The following PAXIP1 variants were observed in gnomAD, a reference collection of about 807,000 sequenced individuals.
PAXIP1 encodes PAX interacting protein 1, also known as PAX-interacting protein 1.
PAXIP1 carries 19 observed loss-of-function variants against 140.6 expected under a neutral mutation model. The ratio of observed to expected loss-of-function variants is 0.14; its 90% CI spans 0.09 to 0.20. The LOEUF is 0.20. Ranked by LOEUF, PAXIP1 falls within the 10% of genes least tolerant of loss-of-function variation. The probability of loss-of-function intolerance (pLI) is 1.00; values close to 1 mark genes in which losing one functional copy is unlikely to be tolerated. For missense variants in PAXIP1, 920 were observed against 1,208.6 expected, an observed-to-expected ratio of 0.76 and a Z score of 3.54; for synonymous variants, 442 against 444.6, an observed-to-expected ratio of 0.99 and a Z score of 0.07.
Position 154,946,237 on chromosome 7 carries a change from T to C in PAXIP1, c.3194+128A>G, listed in dbSNP as rs952021612. ...TTCTGAAGAGAAAAGAATTGTTCAC[T>C]GCATAAATCACAATAGCAAAGAAAG... On this transcript the variant is annotated intron_variant, in intron 20 of 20. Coordinates refer to ENST00000404141, the MANE Select transcript of PAXIP1 (RefSeq NM_007349.4). The surrounding 1 kb of genome is among the most constrained non-coding windows in gnomAD (Gnocchi z 4.9). 2 of 1,514,932 alleles carry C rather than the reference T, an allele frequency of 1.3e-6. No homozygotes were observed. Among genetic ancestry groups the C allele is most frequent in the Non-Finnish European group, 1.8e-6 (2 of 1,133,894 alleles). 93.8% of individuals were successfully genotyped at this position (1,514,932 alleles called of 1,614,324 possible).
chr7:154,950,337 A>G (rs912392801), intron 16 of PAXIP1: 1 of 152,226 alleles, frequency 6.6e-6, no homozygotes, highest in Non-Finnish European at 1.5e-5. Flanking sequence ...CTCCTAGAAG[A>G]TAACACAGGA....
intron 17 of PAXIP1, 72 bp downstream of exon 17, chr7:154,947,831 C>T (rs1808067633): frequency 9.2e-7 from 1 of 1,081,828 alleles, no homozygotes; most frequent in Non-Finnish European, 1.4e-6. Flanking sequence ...CACCAAATCA[C>T]CTGGTAGTTC....
chr7:154,972,304 T>C (rs573841788), intron 6 of PAXIP1, among the ~76,000 whole-genome samples: 90 of 152,238 alleles, frequency 5.9e-4, no homozygotes, highest in East Asian at 9.7e-4. Context: ...CTGGCCAACA[T>C]GGCAAAAACC....
chr7:154,957,063 T>C (rs1808546504), intron 14 of PAXIP1, 161 bp downstream of exon 14: 1 of 528,496 alleles, frequency 1.9e-6, no homozygotes, highest in African/African-American at 1.9e-5. Flanking sequence ...GCCTATGTCA[T>C]TAAAATGAAA....
intron 4 of PAXIP1, chr7:154,985,947 G>C: frequency 8.2e-7 from 1 of 1,213,138 alleles, no homozygotes; most frequent in South Asian, 1.3e-5. Context: ...GGACTTTTTA[G>C]TCTTCTAGAT....
Position 154,968,419 on chromosome 7 carries a change from A to G in PAXIP1, c.1782T>C (p.His594=), listed in dbSNP as rs1424252329. 5 of 1,547,784 alleles carry G rather than the reference A, an allele frequency of 3.2e-6. No individual in the cohort carries two copies. The highest frequency in any genetic ancestry group is 2.0e-5 in the Admixed American group (1 of 50,894). The change falls in exon 7 of 21, where the codon CAT becomes CAC. Residue 594 remains histidine, a synonymous_variant. Transcript: ENST00000404141. The part of the protein sequence containing the change: ...PSPQQHQLFG[H]DPAVEIPEEG... ...ATTACTAACTCTCCACTGCTGGATC[A>G]TGTCCAAAAAGCTGATGCTGCTGAG...
chr7:154,967,872 T>A lies in PAXIP1; in HGVS notation c.1837A>T (p.Ile613Phe), dbSNP rs754488882. The A allele has an allele frequency of 1.9e-6, 3 of 1,613,602 alleles. No homozygotes were observed. Among genetic ancestry groups the A allele is most frequent in the Non-Finnish European group, 2.5e-6 (3 of 1,179,740 alleles). Residue 613 changes from isoleucine to phenylalanine, a missense_variant, in exon 8 of 21, where the codon ATT (isoleucine) becomes TTT (phenylalanine). This residue lies in a region of PAXIP1 where 62 missense variants were observed against 69.0 expected (regional missense o/e 0.90). Transcript: ENST00000404141. Reference protein sequence around the residue: ...EGFLLGCVFAIADYPEQMSDK... With the variant: ...EGFLLGCVFAFADYPEQMSDK... ...GACATCTGCTCTGGATAATCCGCAA[T>A]TGCAAACACACATCCCAATAAGAAG...
At position 154,973,556 on chromosome 7, in the gene PAXIP1, C is replaced by T. The variant is rs1356066835; in HGVS notation, c.1074+2140G>A. On this transcript the variant is annotated intron_variant, in intron 6 of 20. Coordinates refer to ENST00000404141, the MANE Select transcript of PAXIP1 (RefSeq NM_007349.4). This position sits in a 1 kb window ranked among gnomAD's most constrained non-coding sequence, Gnocchi z 4.0. ...GTCTAACATCTAAAGGGCATGTTTG[C>T]CTCTATCTTACTCTGGATGCCAGCC... 2.6e-5 allele frequency among the ~76,000 whole-genome samples: 4 copies of T among 152,176 alleles called. No homozygotes were observed. Among genetic ancestry groups the T allele is most frequent in the African/African-American group, 4.8e-5 (2 of 41,450 alleles).
chr7:154,994,567 C>T (rs1197962922), intron 2 of PAXIP1, among the ~76,000 whole-genome samples: 4 of 152,238 alleles, frequency 2.6e-5, no homozygotes, highest in East Asian at 3.9e-4. Context: ...ACAATGAAAA[C>T]GAGAAACGCA....
At chr7:154,987,847 ATGT>A (rs1810144740) in intron 4 of PAXIP1, among the ~76,000 whole-genome samples, 2 of 152,094 alleles carry the variant, frequency 1.3e-5, no homozygotes, top group South Asian at 2.1e-4. Context: ...GCTAAGTCCC[ATGT>A]TGTATCTGCT....
intron 16 of PAXIP1, chr7:154,950,658 G>A (rs1808232024): frequency 1.3e-5 from 2 of 152,232 alleles, no homozygotes; most frequent in South Asian, 2.1e-4. Context: ...GAAAACTTAC[G>A]TCCACACTAA....
Position 154,956,292 on chromosome 7 carries a change from C to A in PAXIP1, c.2550-661G>T, listed in dbSNP as rs1217094693. On this transcript the variant is annotated intron_variant, in intron 14 of 20. Coordinates refer to ENST00000404141, the MANE Select transcript of PAXIP1 (RefSeq NM_007349.4). This position sits in a 1 kb window ranked among gnomAD's most constrained non-coding sequence, Gnocchi z 4.2. The stretch of plus-strand genomic sequence containing the variant: ...TGTATTTGTGGTAATTTGATGACAG[C>A]CTCAAAAAAATCACATAATTAGGAT... The A allele has an allele frequency of 6.6e-6, 1 of 151,828 alleles. No homozygotes were observed. Among genetic ancestry groups the A allele is most frequent in the African/African-American group, 2.4e-5 (1 of 41,282 alleles). The allele number at this position is 151,828 out of a possible 1,614,324, so 9.4% of individuals were successfully genotyped here.
chr7:154,981,390 T>C (rs1809837526), intron 5 of PAXIP1, among the ~76,000 whole-genome samples: 1 of 152,218 alleles, frequency 6.6e-6, no homozygotes, highest in African/African-American at 2.4e-5. Flanking sequence ...GTAGTTCATT[T>C]TTCCCTATGT....
chr7:154,957,313 C>T lies in PAXIP1; in HGVS notation c.2479-19G>A, dbSNP rs371370092. ...TTATACTCTGCAATTAAAATATTGT[C>T]GACTTTAATTCAATCAATCTACTAA... On this transcript the variant is annotated intron_variant, in intron 13 of 20. Transcript: ENST00000404141. The T allele has an allele frequency of 1.4e-5, 20 of 1,450,106 alleles. No individual in the cohort carries two copies. In the Admixed American group the frequency reaches 1.5e-4, roughly 11 times the overall value. The allele number at this position is 1,450,106 out of a possible 1,614,324, so 89.8% of individuals were successfully genotyped here. A position where few individuals can be genotyped will look rare whatever the true frequency, so the allele number is the denominator to read the frequency against.
chr7:154,955,616 T>A lies in PAXIP1; in HGVS notation c.2565A>T (p.Pro855=). 1 of 1,582,796 alleles carries A rather than the reference T, an allele frequency of 6.3e-7. No homozygotes were observed. The highest frequency in any genetic ancestry group is 8.6e-7 in the Non-Finnish European group (1 of 1,166,120). Residue 855 remains proline (P), a synonymous_variant, in exon 15 of 21, where the codon CCA becomes CCT. Transcript: ENST00000404141. Reference sequence around the variant, plus strand: ...CTGGAGTTAGCTTTTTAGTGGGAGGTGGTACGTCTTCAATTCTGTGGAAGA... The same window carrying A: ...CTGGAGTTAGCTTTTTAGTGGGAGGAGGTACGTCTTCAATTCTGTGGAAGA... The part of the protein sequence containing the change: ...SSKRARIEDV[P]PPTKKLTPEL...
At chr7:154,997,893 T>A (rs1482204530) in intron 2 of PAXIP1, among the ~76,000 whole-genome samples, 1 of 152,226 alleles carries the variant, frequency 6.6e-6, no homozygotes, top group Non-Finnish European at 1.5e-5. Flanking sequence ...ACAGTCGGGA[T>A]GGAAAGTAAC....
At chr7:154,987,878 C>T (rs557437694) in intron 4 of PAXIP1, among the ~76,000 whole-genome samples, 2 of 152,334 alleles carry the variant, frequency 1.3e-5, no homozygotes, top group East Asian at 3.9e-4. Context: ...ATCCCATCTC[C>T]ATTTGTCAAA....
Position 154,948,061 on chromosome 7 carries a change from G to A in PAXIP1, c.2822-58C>T, listed in dbSNP as rs1477669542. On this transcript the variant is annotated intron_variant, in intron 16 of 20. Coordinates refer to ENST00000404141, the MANE Select transcript of PAXIP1 (RefSeq NM_007349.4). ...TGTGGACACGTGAAGTGTGGCAAGT[G>A]TGACCCACAAAATTCTCGCCCATAT... 6 of 1,166,852 alleles carry A rather than the reference G, an allele frequency of 5.1e-6. No individual in the cohort carries two copies. In the East Asian group the frequency reaches 1.2e-4, roughly 23 times the overall value. The allele number at this position is 1,166,852 out of a possible 1,614,324, so 72.3% of individuals were successfully genotyped here.
chr7:155,003,279 C>T (rs909498339), upstream of PAXIP1, among the ~76,000 whole-genome samples: 154 of 151,590 alleles, frequency 1.0e-3, no homozygotes, highest in African/African-American at 3.7e-3. Context: ...CTGGCCCTTG[C>T]GGTTCCGTGG....
Sources: gnomAD v4.1 joint callset for allele counts (sites outside exome capture counted in the v4.1 genomes callset) on GRCh38, gnomAD v4.1.1 for gene constraint, gnomAD v4.1.1 regional missense constraint, Gnocchi (gnomAD v3.1) non-coding constraint, MANE v1.5 for transcripts, NCBI Gene and HGNC (gene_info 2026-07-23, HGNC 2026-07-21) for gene names.